The following FOXP2 variants were observed in gnomAD, a reference collection of about 807,000 sequenced individuals.
FOXP2 encodes the protein forkhead box protein P2.
FOXP2 carries 12 observed loss-of-function variants against 115.8 expected under a neutral mutation model. That is an observed-to-expected ratio of 0.10 (90% CI 0.07 to 0.17). The LOEUF is 0.17. Among genes scored for constraint, FOXP2 ranks in the 10% least tolerant of loss-of-function variants. The probability of loss-of-function intolerance (pLI) is 1.00; values close to 1 mark genes in which losing one functional copy is unlikely to be tolerated. For missense variants in FOXP2, 629 were observed against 843.5 expected (o/e 0.75, Z 3.15); for synonymous variants, 328 against 297.7 (o/e 1.10, Z -1.05).
At chr7:114,399,501 A>G (rs562671083) in intron 2 of FOXP2, among the ~76,000 whole-genome samples, 1 of 152,292 alleles carries the variant, frequency 6.6e-6, no homozygotes, top group African/African-American at 2.4e-5. Context: ...TGATGGTTTT[A>G]GATTTTGCAA....
intron 16 of FOXP2, among the ~76,000 whole-genome samples, chr7:114,675,708 T>C (rs2129347255): frequency 6.6e-6 from 1 of 152,218 alleles, no homozygotes; most frequent in African/African-American, 2.4e-5. Flanking sequence ...TTTTACAGCA[T>C]TTTTTTAATC....
At chr7:114,107,943 G>GT (rs950889622) in intron 1 of FOXP2, among the ~76,000 whole-genome samples, 2 of 151,800 alleles carry the variant, frequency 1.3e-5, no homozygotes, top group African/African-American at 4.8e-5. Flanking sequence ...TCAATATATG[G>GT]TAAAAAATGA....
chr7:114,517,704 A>G (rs1455493357), intron 2 of FOXP2, among the ~76,000 whole-genome samples: 1 of 152,174 alleles, frequency 6.6e-6, no homozygotes, highest in African/African-American at 2.4e-5. Flanking sequence ...TTATGCCAGT[A>G]TCATGCTGTT....
intron 1 of FOXP2, among the ~76,000 whole-genome samples, chr7:114,212,712 T>G (rs1156639007): frequency 6.6e-6 from 1 of 152,132 alleles, no homozygotes; most frequent in Non-Finnish European, 1.5e-5. Flanking sequence ...TTAGAATACA[T>G]AAAACACAAG....
intron 2 of FOXP2, among the ~76,000 whole-genome samples, chr7:114,308,041 G>A (rs541504535): frequency 6.6e-6 from 1 of 152,032 alleles, no homozygotes; most frequent in Non-Finnish European, 1.5e-5. Flanking sequence ...CAGGGTCTAA[G>A]GTGTTTTCAC....
chr7:114,600,986 CAG>C (rs1491380523), intron 3 of FOXP2, among the ~76,000 whole-genome samples: 1 of 146,774 alleles, frequency 6.8e-6, no homozygotes, highest in African/African-American at 2.5e-5. Flanking sequence ...TTTTTTGAAA[CAG>C]AGTCTCATTC....
intron 2 of FOXP2, among the ~76,000 whole-genome samples, chr7:114,288,365 T>C (rs758404224): frequency 7.2e-5 from 11 of 151,848 alleles, no homozygotes; most frequent in Admixed American, 1.3e-4. Context: ...TATACACTTA[T>C]GGGGAATATG....
rs1808793198 is a variant in FOXP2, at chr7:114,693,713, A to G, written c.*3787A>G. 3.0e-6 allele frequency: 1 copy of G among 333,438 alleles called. No homozygotes were observed. The highest frequency in any genetic ancestry group is 2.5e-5 in the South Asian group (1 of 40,096). 20.7% of individuals were successfully genotyped at this position (333,438 alleles called of 1,614,324 possible). Reference sequence around the variant, plus strand: ...AAATGTATATGAAACCATTTCATTCACTTGATTACATTTCTGAAGTATAAA... The same window carrying G: ...AAATGTATATGAAACCATTTCATTCGCTTGATTACATTTCTGAAGTATAAA... On this transcript the variant is annotated 3_prime_UTR_variant, in exon 17 of 17. Transcript: ENST00000350908.
rs780409289 is a variant in FOXP2, at chr7:114,659,693, T to A, written c.1647+20T>A. 4 of 1,579,098 alleles carry A rather than the reference T, an allele frequency of 2.5e-6. No individual in the cohort carries two copies. In the South Asian group the frequency reaches 4.4e-5, roughly 17 times the overall value. On this transcript the variant is annotated intron_variant, in intron 13 of 16. Transcript: ENST00000350908. ...TGGAAGGTAACTACTTTTCCAGCAG[T>A]TTTAAGATGCCTACCACAGTTCCTT...
chr7:114,524,895 A>T (rs1048432089), intron 2 of FOXP2, among the ~76,000 whole-genome samples: 2 of 152,140 alleles, frequency 1.3e-5, no homozygotes, highest in African/African-American at 2.4e-5. Flanking sequence ...AGATGTGGTG[A>T]TATAGGATGG....
At chr7:114,561,948 T>A (rs1584897629) in intron 3 of FOXP2, among the ~76,000 whole-genome samples, 1 of 152,126 alleles carries the variant, frequency 6.6e-6, no homozygotes, top group East Asian at 1.9e-4. Flanking sequence ...GGCCACCATG[T>A]CTAACTTGGA....
intron 1 of FOXP2, among the ~76,000 whole-genome samples, chr7:114,281,108 T>G (rs1050068806): frequency 3.5e-5 from 5 of 144,118 alleles, no homozygotes; most frequent in African/African-American, 1.3e-4. Context: ...TTTTTTTTTT[T>G]TTTTTTTTTT....
intron 3 of FOXP2, among the ~76,000 whole-genome samples, chr7:114,556,939 T>A (rs980250542): frequency 6.6e-6 from 1 of 152,222 alleles, no homozygotes; most frequent in Non-Finnish European, 1.5e-5. Flanking sequence ...TAAAACAAGC[T>A]AAATGCTATA....
rs1563082735 is a variant in FOXP2, at chr7:114,691,375, G to A, written c.*1449G>A. ...GCTGAGTTTTTACACTGAAAGCAAA[G>A]ATTATAGCAATTGTAGTCCATGGTA... is the stretch of plus-strand genomic sequence containing the variant. On this transcript the variant is annotated 3_prime_UTR_variant, in exon 17 of 17. Coordinates refer to ENST00000350908, the MANE Select transcript of FOXP2 (RefSeq NM_014491.4). 4.4e-6 allele frequency: 2 copies of A among 453,936 alleles called. No individual in the cohort carries two copies. The highest frequency in any genetic ancestry group is 4.4e-6 in the Non-Finnish European group (1 of 226,718). 28.1% of individuals were successfully genotyped at this position (453,936 alleles called of 1,614,324 possible).
intron 2 of FOXP2, among the ~76,000 whole-genome samples, chr7:114,405,723 T>G (rs1051595224): frequency 6.6e-6 from 1 of 151,942 alleles, no homozygotes; most frequent in Admixed American, 6.6e-5. Context: ...GTTGCTACTG[T>G]TATCTATGAT....
intron 1 of FOXP2, among the ~76,000 whole-genome samples, chr7:114,175,516 T>G (rs1038524310): frequency 6.6e-6 from 1 of 152,220 alleles, no homozygotes; most frequent in Non-Finnish European, 1.5e-5. Flanking sequence ...CATTTTCATT[T>G]AACTCTCTTA....
At chr7:114,540,021 G>A (rs141163584) in intron 3 of FOXP2, among the ~76,000 whole-genome samples, 12 of 152,024 alleles carry the variant, frequency 7.9e-5, no homozygotes, top group Admixed American at 2.6e-4. Flanking sequence ...AGTACTTACC[G>A]TAAATCCTTG....
At chr7:114,609,416 A>T (rs1050468660) in intron 3 of FOXP2, among the ~76,000 whole-genome samples, 1 of 152,202 alleles carries the variant, frequency 6.6e-6, no homozygotes, top group Non-Finnish European at 1.5e-5. Context: ...ATAAGTGTAT[A>T]AAGAAATGAG....
intron 3 of FOXP2, among the ~76,000 whole-genome samples, chr7:114,546,595 A>C (rs2096356663): frequency 6.6e-6 from 1 of 152,106 alleles, no homozygotes; most frequent in Admixed American, 6.6e-5. Flanking sequence ...AGGTCATTCC[A>C]ACACCCCTTA....
Sources: allele counts gnomAD v4.1 joint callset (sites outside exome capture counted in the v4.1 genomes callset), GRCh38; gene constraint gnomAD v4.1.1; transcripts MANE v1.5; gene names NCBI Gene and HGNC (gene_info 2026-07-23, HGNC 2026-07-21).